Variants in AQR observed in about 807,000 individuals in gnomAD.
The protein encoded by AQR is RNA helicase aquarius.
A neutral mutation model predicts 180.5 loss-of-function variants in AQR; 61 were observed. The observed-to-expected ratio is 0.34, with a 90% CI of 0.28 to 0.42. The LOEUF (loss-of-function observed/expected upper bound fraction) is 0.42, where lower values mean the gene tolerates loss of function less well. Ranked by LOEUF, AQR falls within the 10% of genes least tolerant of loss-of-function variation. The probability of loss-of-function intolerance (pLI) is 1.00; values close to 1 mark genes in which losing one functional copy is unlikely to be tolerated. For missense variants in AQR, 1,281 were observed against 1,798.3 expected (o/e 0.71, Z 5.20); for synonymous variants, 551 against 588.8 (o/e 0.94, Z 0.93).
intron 1 of AQR, chr15:34,964,502 C>T: frequency 1.5e-6 from 1 of 656,946 alleles, no homozygotes; most frequent in Non-Finnish European, 2.8e-6. Context: ...CTACAACATG[C>T]CATTGTGATA....
chr15:34,930,699 T>C (rs868141799), intron 11 of AQR, among the ~76,000 whole-genome samples: 1 of 152,160 alleles, frequency 6.6e-6, no homozygotes, highest in African/African-American at 2.4e-5. Flanking sequence ...AAACAACATC[T>C]ATCTTATCTA....
At chr15:34,878,079 T>C (rs1892912609) in intron 27 of AQR, among the ~76,000 whole-genome samples, 1 of 152,078 alleles carries the variant, frequency 6.6e-6, no homozygotes, top group Admixed American at 6.6e-5. Context: ...GAGTCACCCT[T>C]TCTCAACTAT....
intron 4 of AQR, among the ~76,000 whole-genome samples, chr15:34,949,338 C>CAGTG (rs1246891720): frequency 6.6e-6 from 1 of 150,766 alleles, no homozygotes; most frequent in African/African-American, 2.4e-5. Flanking sequence ...TGGCCAGGCA[C>CAGTG]AGTGGCTCAC....
At chr15:34,880,357 T>C (rs930585967) in intron 27 of AQR, among the ~76,000 whole-genome samples, 1 of 152,132 alleles carries the variant, frequency 6.6e-6, no homozygotes. Context: ...GAATCTGACA[T>C]ATGAGAAAGG....
chr15:34,864,417 T>A (rs1892714691), intron 32 of AQR, among the ~76,000 whole-genome samples: 1 of 152,110 alleles, frequency 6.6e-6, no homozygotes, highest in Non-Finnish European at 1.5e-5. Flanking sequence ...ACATACTGGA[T>A]TCATGAAGGA....
rs546715980 is a variant in AQR at position 34,898,413 on chromosome 15, A to T, written c.2244-708T>A. Reference sequence around the variant, plus strand: ...AGAATGCTAAGAGCCAATGAGGCTAAGTGGTCAGCACTTATTTTGGTAAGA... The same window carrying T: ...AGAATGCTAAGAGCCAATGAGGCTATGTGGTCAGCACTTATTTTGGTAAGA... On this transcript the variant is annotated intron_variant, in intron 20 of 34. Transcript: ENST00000156471. Among the ~76,000 whole-genome samples the T allele has an allele frequency of 1.2e-3, 176 of 152,366 alleles. 1 individual carries two copies. The highest frequency in any genetic ancestry group is 4.0e-3 in the African/African-American group (168 of 41,594).
In AQR at chr15:34,948,012, T is replaced by A. The variant is rs1233562399; in HGVS notation, c.330+252A>T. Reference sequence around the variant, plus strand: ...TTGTTATAACATATACCATTCTTTGTTTCAAACACAAAGCAGAAAAATAAC... The same window carrying A: ...TTGTTATAACATATACCATTCTTTGATTCAAACACAAAGCAGAAAAATAAC... On this transcript the variant is annotated intron_variant, in intron 5 of 34. Coordinates refer to ENST00000156471, the MANE Select transcript of AQR (RefSeq NM_014691.3). The A allele has an allele frequency of 2.0e-5, 7 of 353,794 alleles. No individual in the cohort carries two copies. The East Asian group carries it at 4.1e-4, about 21-fold the overall frequency. The allele number at this position is 353,794 out of a possible 1,614,324, so 21.9% of individuals were successfully genotyped here.
At chr15:34,929,766 A>G (rs1893823328) in intron 12 of AQR, among the ~76,000 whole-genome samples, 1 of 152,184 alleles carries the variant, frequency 6.6e-6, no homozygotes, top group Admixed American at 6.6e-5. Context: ...TAGCTGGATT[A>G]CCTTAAACTG....
chr15:34,927,688 G>C (rs542826696), intron 12 of AQR, among the ~76,000 whole-genome samples: 2 of 152,250 alleles, frequency 1.3e-5, no homozygotes, highest in South Asian at 4.1e-4. Flanking sequence ...GTCTTCCTTG[G>C]GATTTAACAA....
chr15:34,961,674 A>G (rs1486342928), intron 2 of AQR, among the ~76,000 whole-genome samples: 1 of 150,098 alleles, frequency 6.7e-6, no homozygotes, highest in East Asian at 1.9e-4. Context: ...AAAAAAAAAA[A>G]AAAAGAAAAA....
intron 11 of AQR, among the ~76,000 whole-genome samples, chr15:34,932,070 G>C (rs1433844513): frequency 6.6e-6 from 1 of 152,090 alleles, no homozygotes. Flanking sequence ...ATCAAAACTT[G>C]TGAACATGTG....
intron 15 of AQR, among the ~76,000 whole-genome samples, chr15:34,918,050 T>C (rs781507195): frequency 6.6e-6 from 1 of 152,300 alleles, no homozygotes; most frequent in Non-Finnish European, 1.5e-5. Context: ...CAGGGTGATA[T>C]GTGTATAGTT....
In AQR at chr15:34,969,622, T is replaced by G; in HGVS notation, c.-9A>C. The G allele has an allele frequency of 4.3e-6, 7 of 1,612,574 alleles. No homozygotes were observed. The highest frequency in any genetic ancestry group is 5.9e-6 in the Non-Finnish European group (7 of 1,179,880). The stretch of plus-strand genomic sequence containing the variant: ...TGCGCAGGGGCTGCCATGGCAGCAC[T>G]CTTCCCTCCACTCCAGTGGAAACTA... On this transcript the variant is annotated 5_prime_UTR_variant, in exon 1 of 35. Transcript: ENST00000156471.
intron 11 of AQR, 138 bp from the exon 12 acceptor site, chr15:34,930,509 G>A: frequency 1.8e-6 from 1 of 552,688 alleles, no homozygotes; most frequent in South Asian, 2.9e-5. Context: ...TTACAAAAAA[G>A]ATTTTAGAAC....
At chr15:34,864,021 GTGTTACAGAGATCTAA>G (rs1363296613) in intron 32 of AQR, among the ~76,000 whole-genome samples, 3 of 152,148 alleles carry the variant, frequency 2.0e-5, no homozygotes, top group Admixed American at 6.5e-5. Flanking sequence ...AGTGTGAAGA[GTGTTACAGAGATCTAA>G]TGTTACAGAG....
intron 4 of AQR, among the ~76,000 whole-genome samples, chr15:34,951,497 C>G (rs910642262): frequency 1.2e-4 from 18 of 152,096 alleles, no homozygotes; most frequent in African/African-American, 3.6e-4. Flanking sequence ...ATGGTGAAAC[C>G]TCGTCTCTAC....
At position 34,945,285 on chromosome 15, in the gene AQR, T is replaced by C. The variant is rs192550138; in HGVS notation, c.331-857A>G. 7.7e-4 allele frequency among the ~76,000 whole-genome samples: 118 copies of C among 152,320 alleles called. 1 individual carries two copies. The Middle Eastern group carries it at 0.01, about 13-fold the overall frequency. ...AATATGTCCAAATTCAATTCAACAGTTTTGTATCCTCCAAATTATTCCTCA... is the reference window on the plus strand; with the variant it reads ...AATATGTCCAAATTCAATTCAACAGCTTTGTATCCTCCAAATTATTCCTCA... On this transcript the variant is annotated intron_variant, in intron 5 of 34. Coordinates refer to ENST00000156471, the MANE Select transcript of AQR (RefSeq NM_014691.3).
chr15:34,943,518 G>A lies in AQR; in HGVS notation c.471+770C>T, dbSNP rs147767589. 438 of 344,240 alleles carry A rather than the reference G, an allele frequency of 1.3e-3. 3 individuals are homozygous for A. The highest frequency in any genetic ancestry group is 8.5e-3 in the African/African-American group (395 of 46,730). The allele number at this position is 344,240 out of a possible 1,614,324, so 21.3% of individuals were successfully genotyped here. ...TAAAGAGATAACAGTGGTATCCAGT[G>A]CAGGCATCATAAATCTTTTTTTATG... On this transcript the variant is annotated intron_variant, in intron 6 of 34. Transcript: ENST00000156471.
chr15:34,903,161 T>TGAAA (rs1307163942), intron 19 of AQR, among the ~76,000 whole-genome samples: 4 of 152,272 alleles, frequency 2.6e-5, no homozygotes, highest in Admixed American at 2.6e-4. Context: ...GAACACCATG[T>TGAAA]GAAAAGTCTT....
Sources: gnomAD v4.1 joint callset for allele counts (sites outside exome capture counted in the v4.1 genomes callset) on GRCh38, gnomAD v4.1.1 for gene constraint, MANE v1.5 for transcripts, NCBI Gene and HGNC (gene_info 2026-07-23, HGNC 2026-07-21) for gene names.